Variants in DEFB131B observed in about 807,000 individuals in gnomAD.
The protein encoded by DEFB131B is beta-defensin 131B.
DEFB131B carries 2 observed loss-of-function variants against 2.1 expected under a neutral mutation model. That is an observed-to-expected ratio of 0.94 (90% CI 0.38 to 2.95). The LOEUF is 2.95. Among genes scored for constraint, DEFB131B ranks in the 30% most tolerant of loss-of-function variants. The probability of loss-of-function intolerance (pLI) is 0.09; values close to 1 mark genes in which losing one functional copy is unlikely to be tolerated. For missense variants in DEFB131B, 77 were observed against 78.5 expected, an observed-to-expected ratio of 0.98 and a Z score of 0.07; for synonymous variants, 26 against 25.8, an observed-to-expected ratio of 1.01 and a Z score of -0.03.
At chr11:71,883,888 G>A (rs1221889190) in intron 1 of DEFB131B, among the ~76,000 whole-genome samples, 1 of 152,082 alleles carries the variant, frequency 6.6e-6, no homozygotes, top group African/African-American at 2.4e-5. Flanking sequence ...CTCAATTAAG[G>A]ATTCTTTTTT....
intron 1 of DEFB131B, among the ~76,000 whole-genome samples, chr11:71,879,806 T>C (rs2121345526): frequency 6.6e-6 from 1 of 152,308 alleles, no homozygotes; most frequent in East Asian, 1.9e-4. Context: ...TGTATATTCC[T>C]ATTCTGGACA....
intron 1 of DEFB131B, among the ~76,000 whole-genome samples, chr11:71,882,300 G>A (rs1012506549): frequency 6.6e-6 from 1 of 151,682 alleles, no homozygotes; most frequent in Non-Finnish European, 1.5e-5. Flanking sequence ...TTGTCACCCA[G>A]GCTGGAGTGC....
chr11:71,880,771 A>G (rs986446596), intron 1 of DEFB131B, among the ~76,000 whole-genome samples: 10 of 152,172 alleles, frequency 6.6e-5, no homozygotes, highest in African/African-American at 2.2e-4. Flanking sequence ...CATTGACTCA[A>G]TGGTTGTTCA....
At chr11:71,884,295 G>T in intron 1 of DEFB131B, 112 bp from the exon 2 acceptor site, 7 of 1,259,026 alleles carry the variant, frequency 5.6e-6, no homozygotes, top group South Asian at 2.3e-5. Flanking sequence ...TGTTGTTTTT[G>T]TTTTTCTGGG....
intron 1 of DEFB131B, among the ~76,000 whole-genome samples, chr11:71,883,311 A>G (rs928126431): frequency 6.6e-6 from 1 of 152,154 alleles, no homozygotes; most frequent in Non-Finnish European, 1.5e-5. Flanking sequence ...AAACAAAGCT[A>G]GGGGCATCAC....
At chr11:71,882,268 T>TA (rs550669979) in intron 1 of DEFB131B, among the ~76,000 whole-genome samples, 138 of 152,166 alleles carry the variant, frequency 9.1e-4, no homozygotes, top group Non-Finnish European at 1.5e-3. Context: ...AATTATCTTT[T>TA]TTTTTTAGAC....
intron 1 of DEFB131B, among the ~76,000 whole-genome samples, chr11:71,879,799 A>G (rs1952548799): frequency 6.6e-6 from 1 of 152,144 alleles, no homozygotes; most frequent in South Asian, 2.1e-4. Context: ...GTCTCTATGT[A>G]TATTCCTATT....
rs753021862 is a variant in DEFB131B at position 71,884,485 on chromosome 11, C to A, written c.137C>A (p.Ala46Glu). The A allele has an allele frequency of 4.5e-5, 73 of 1,610,282 alleles. No individual in the cohort carries two copies. The highest frequency in any genetic ancestry group is 5.9e-5 in the Non-Finnish European group (69 of 1,178,876). The change falls in exon 2 of 2, where the codon GCA becomes GAA. Residue 46 changes from alanine (A) to glutamate (E), a missense_variant. Physicochemically the swap from Ala to Glu is moderately radical, Grantham distance 107. Coordinates refer to ENST00000530210, the MANE Select transcript of DEFB131B (RefSeq NM_001242853.1). Reference protein sequence around the residue: ...CRLKCNADEHAIRYCADFSIC... With the variant: ...CRLKCNADEHEIRYCADFSIC... ...CTGAAGTGCAATGCTGATGAACATG[C>A]AATTAGATACTGTGCTGACTTCAGC... is the stretch of plus-strand genomic sequence containing the variant.
chr11:71,879,672 C>G (rs1159975959), intron 1 of DEFB131B, among the ~76,000 whole-genome samples: 1 of 151,998 alleles, frequency 6.6e-6, no homozygotes, highest in Non-Finnish European at 1.5e-5. Context: ...CAGTGGTTAT[C>G]AAGTGTATTC....
chr11:71,883,398 G>C (rs867463726), intron 1 of DEFB131B, among the ~76,000 whole-genome samples: 1 of 152,114 alleles, frequency 6.6e-6, no homozygotes, highest in South Asian at 2.1e-4. Flanking sequence ...TAGACATATA[G>C]GCCACTGGAA....
chr11:71,883,356 G>A (rs930297089), intron 1 of DEFB131B, among the ~76,000 whole-genome samples: 3 of 152,176 alleles, frequency 2.0e-5, no homozygotes, highest in Non-Finnish European at 2.9e-5. Flanking sequence ...TAAAGATAGA[G>A]TAATCAAAAC....
intron 1 of DEFB131B, among the ~76,000 whole-genome samples, chr11:71,882,964 C>G (rs1298657193): frequency 1.3e-5 from 2 of 152,006 alleles, no homozygotes; most frequent in African/African-American, 4.8e-5. Context: ...CAGCAAGCAA[C>G]TGGAAAGCAA....
In DEFB131B at chr11:71,878,500, A is replaced by G. The variant is rs772652044; in HGVS notation, c.48A>G (p.Thr16=). 2.5e-6 allele frequency: 4 copies of G among 1,611,222 alleles called. No individual in the cohort carries two copies. In the African/African-American group the frequency reaches 5.3e-5, roughly 22 times the overall value. The change falls in exon 1 of 2, where the codon ACA becomes ACG. Residue 16 remains threonine, a synonymous_variant. Coordinates refer to ENST00000530210, the MANE Select transcript of DEFB131B (RefSeq NM_001242853.1). Reference sequence around the variant, plus strand: ...TTGGAGTCCTTTCCTTGATGTCCACAGTTCCTCCAAGTAAGGCAGAAACTT... The same window carrying G: ...TTGGAGTCCTTTCCTTGATGTCCACGGTTCCTCCAAGTAAGGCAGAAACTT... ...FVFGVLSLMS[T]VPPTRSFTSN... is the part of the protein sequence containing the mutation.
chr11:71,879,746 T>A (rs913233760), intron 1 of DEFB131B, among the ~76,000 whole-genome samples: 1 of 152,160 alleles, frequency 6.6e-6, no homozygotes, highest in East Asian at 1.9e-4. Context: ...CAAGAAGAAA[T>A]CTCTCCTCCT....
intron 1 of DEFB131B, chr11:71,884,204 C>T (rs1952599205): frequency 1.5e-5 from 7 of 480,438 alleles, no homozygotes; most frequent in Non-Finnish European, 2.5e-5. Context: ...CAACTACTGC[C>T]TCATTTACTA....
At chr11:71,884,161 G>A (rs147844127) in intron 1 of DEFB131B, among the ~76,000 whole-genome samples, 4,779 of 152,230 alleles carry the variant, frequency 0.031, 89 homozygotes, top group Non-Finnish European at 0.048. Flanking sequence ...GAAATATGTG[G>A]TAATAGTTCT....
intron 1 of DEFB131B, 103 bp from the exon 2 acceptor site, chr11:71,884,304 G>A: frequency 1.5e-6 from 2 of 1,298,974 alleles, no homozygotes; most frequent in Admixed American, 3.6e-5. Context: ...TGTTTTTCTG[G>A]GAAAGTTCTG....
intron 1 of DEFB131B, among the ~76,000 whole-genome samples, chr11:71,883,022 A>G (rs1952583536): frequency 6.6e-6 from 1 of 152,234 alleles, no homozygotes; most frequent in Admixed American, 6.5e-5. Flanking sequence ...AAGATATTTA[A>G]GAATAAACTT....
rs558095485 is a variant in DEFB131B at position 71,880,777 on chromosome 11, G to A, written c.58+2267G>A. Reference sequence around the variant, plus strand: ...GAGTTTTTTCATTGACTCAATGGTTGTTCAGAAGCATGTTGTTTAATTTCC... The same window carrying A: ...GAGTTTTTTCATTGACTCAATGGTTATTCAGAAGCATGTTGTTTAATTTCC... On this transcript the variant is annotated intron_variant, in intron 1 of 1. Coordinates refer to ENST00000530210, the MANE Select transcript of DEFB131B (RefSeq NM_001242853.1). 3.9e-5 allele frequency among the ~76,000 whole-genome samples: 6 copies of A among 152,240 alleles called. No homozygotes were observed. In the South Asian group the frequency reaches 1.2e-3, roughly 32 times the overall value.
Sources: gnomAD v4.1 joint callset for allele counts (sites outside exome capture counted in the v4.1 genomes callset) on GRCh38, gnomAD v4.1.1 for gene constraint, MANE v1.5 for transcripts, NCBI Gene and HGNC (gene_info 2026-07-23, HGNC 2026-07-21) for gene names.